Variants in CCBE1 observed in about 807,000 individuals in gnomAD.
The protein encoded by CCBE1 is collagen and calcium-binding EGF domain-containing protein 1.
CCBE1 carries 37 observed loss-of-function variants against 50.0 expected under a neutral mutation model. The ratio of observed to expected loss-of-function variants is 0.74; its 90% CI spans 0.57 to 0.97. The LOEUF is 0.97. Among genes scored for constraint, CCBE1 ranks in the 50% least tolerant of loss-of-function variants. CCBE1 has a pLI of 0.00. For synonymous variants in CCBE1, 234 were observed against 203.7 expected (o/e 1.15, Z -1.27); for missense variants, 538 against 523.8 (o/e 1.03, Z -0.26).
At chr18:59,457,201 G>T (rs1353233560) in intron 5 of CCBE1, among the ~76,000 whole-genome samples, 2 of 152,172 alleles carry the variant, frequency 1.3e-5, no homozygotes, top group African/African-American at 4.8e-5. Context: ...GCGAATTCCC[G>T]TAGCTTCCTC....
At chr18:59,578,511 G>A (rs956139424) in intron 2 of CCBE1, among the ~76,000 whole-genome samples, 2 of 152,074 alleles carry the variant, frequency 1.3e-5, no homozygotes, top group Admixed American at 6.5e-5. Context: ...CGTTTACTGC[G>A]GCTCTGTTCA....
At chr18:59,661,053 A>G (rs2054277979) in intron 2 of CCBE1, among the ~76,000 whole-genome samples, 1 of 151,752 alleles carries the variant, frequency 6.6e-6, no homozygotes, top group South Asian at 2.1e-4. Flanking sequence ...CCCCTTGGCC[A>G]ACGCATTTTC....
intron 2 of CCBE1, among the ~76,000 whole-genome samples, chr18:59,664,599 C>T (rs138724382): frequency 1.3e-3 from 199 of 152,290 alleles, no homozygotes; most frequent in Middle Eastern, 3.4e-3. Context: ...GTCATGTCCA[C>T]TCGTAGCCCT....
intron 2 of CCBE1, among the ~76,000 whole-genome samples, chr18:59,569,518 A>G (rs1389841179): frequency 6.6e-6 from 1 of 152,232 alleles, no homozygotes; most frequent in Non-Finnish European, 1.5e-5. Flanking sequence ...AAGAGGAAGT[A>G]GCTGAAATAA....
chr18:59,680,930 C>T (rs931205876), intron 2 of CCBE1, among the ~76,000 whole-genome samples: 1 of 151,676 alleles, frequency 6.6e-6, no homozygotes, highest in Non-Finnish European at 1.5e-5. Flanking sequence ...TCAAGTGATA[C>T]CTTTTTATTA....
intron 2 of CCBE1, among the ~76,000 whole-genome samples, chr18:59,654,502 T>A (rs1472057484): frequency 6.6e-6 from 1 of 152,098 alleles, no homozygotes; most frequent in Non-Finnish European, 1.5e-5. Flanking sequence ...CACACACCTG[T>A]AATTCCAGCT....
chr18:59,475,340 A>G (rs1912255678), intron 3 of CCBE1, among the ~76,000 whole-genome samples: 1 of 152,146 alleles, frequency 6.6e-6, no homozygotes, highest in South Asian at 2.1e-4. Context: ...AACCTTTACA[A>G]CTTGCTACTA....
At chr18:59,693,437 T>C (rs2054763854) in intron 2 of CCBE1, among the ~76,000 whole-genome samples, 1 of 152,100 alleles carries the variant, frequency 6.6e-6, no homozygotes, top group Non-Finnish European at 1.5e-5. Flanking sequence ...GGCTTAACTG[T>C]ACACCAACTT....
chr18:59,498,052 G>C (rs1295101622), intron 2 of CCBE1, among the ~76,000 whole-genome samples: 1 of 152,178 alleles, frequency 6.6e-6, no homozygotes, highest in Non-Finnish European at 1.5e-5. Flanking sequence ...TGATTCTCCC[G>C]AGAGGAGATG....
chr18:59,687,237 C>A (rs544944362), intron 2 of CCBE1, among the ~76,000 whole-genome samples: 2 of 152,204 alleles, frequency 1.3e-5, no homozygotes, highest in Non-Finnish European at 2.9e-5. Context: ...GAGGAAATAG[C>A]GCTAGACAAA....
chr18:59,542,368 G>T (rs892908350), intron 2 of CCBE1, among the ~76,000 whole-genome samples: 2 of 151,894 alleles, frequency 1.3e-5, no homozygotes, highest in African/African-American at 2.4e-5. Flanking sequence ...TTATGAACAC[G>T]TGGCATGATA....
intron 2 of CCBE1, among the ~76,000 whole-genome samples, chr18:59,493,482 AAAG>A (rs1913205177): frequency 6.6e-6 from 1 of 152,232 alleles, no homozygotes; most frequent in Non-Finnish European, 1.5e-5. Flanking sequence ...AGTTTGACTT[AAAG>A]AAGAACTTAC....
chr18:59,508,367 G>A (rs1913978371), intron 2 of CCBE1, among the ~76,000 whole-genome samples: 1 of 151,928 alleles, frequency 6.6e-6, no homozygotes, highest in East Asian at 2.0e-4. Context: ...GGAGGCCGAG[G>A]CAGGTGGATA....
chr18:59,693,160 G>A (rs763695775), intron 2 of CCBE1, among the ~76,000 whole-genome samples: 53 of 152,114 alleles, frequency 3.5e-4, no homozygotes, highest in Admixed American at 8.5e-4. Flanking sequence ...CAAATATTGC[G>A]AGATGCATTG....
intron 2 of CCBE1, among the ~76,000 whole-genome samples, chr18:59,497,266 T>C (rs1168270592): frequency 6.6e-6 from 1 of 152,204 alleles, no homozygotes; most frequent in Non-Finnish European, 1.5e-5. Flanking sequence ...GATAATTGAA[T>C]GCTGACCCTG....
intron 7 of CCBE1, among the ~76,000 whole-genome samples, chr18:59,445,174 C>G (rs7241371): frequency 0.27 from 40,982 of 152,058 alleles, 6,091 homozygotes; most frequent in Middle Eastern, 0.39. Flanking sequence ...GTTTTGGGGT[C>G]TTACATTTCA....
At chr18:59,648,402 G>A (rs1171240731) in intron 2 of CCBE1, among the ~76,000 whole-genome samples, 1 of 152,210 alleles carries the variant, frequency 6.6e-6, no homozygotes, top group African/African-American at 2.4e-5. Context: ...TAGCTGATGA[G>A]TTTGTAAACA....
intron 9 of CCBE1, among the ~76,000 whole-genome samples, chr18:59,438,523 T>A (rs765592570): frequency 7.9e-5 from 12 of 152,308 alleles, no homozygotes; most frequent in South Asian, 4.1e-4. Flanking sequence ...ATGGAGCATC[T>A]CCTGTTCCTG....
chr18:59,443,177 G>C (rs1459126951), intron 7 of CCBE1, among the ~76,000 whole-genome samples: 1 of 152,182 alleles, frequency 6.6e-6, no homozygotes, highest in Non-Finnish European at 1.5e-5. Context: ...CATCTATCTT[G>C]ACCCACAACA....
Sources: allele counts gnomAD v4.1 joint callset (sites outside exome capture counted in the v4.1 genomes callset), GRCh38; gene constraint gnomAD v4.1.1; transcripts MANE v1.5; gene names NCBI Gene and HGNC (gene_info 2026-07-23, HGNC 2026-07-21).